Variants in TRPM4 observed in about 807,000 individuals in gnomAD.
TRPM4 encodes the protein transient receptor potential cation channel subfamily M member 4.
Under a neutral mutation model 135.6 loss-of-function variants are expected in TRPM4, and 124 were observed. The ratio of observed to expected loss-of-function variants is 0.91; its 90% CI spans 0.79 to 1.06. TRPM4 has a LOEUF of 1.06. TRPM4 is among the 50% of genes least tolerant of loss of function. TRPM4 has a pLI of 0.00. For synonymous variants in TRPM4, 745 were observed against 705.6 expected (o/e 1.06, Z -0.88); for missense variants, 1,658 against 1,671.4 (o/e 0.99, Z 0.14).
In TRPM4 at chr19:49,172,049, ATTC is replaced by A; in HGVS notation, c.1096_1098del (p.Ser366del). ...ACCCGGAAGGAGCTCCTGACAGTCTATTCTTCTGAGGATGGGTCTGAGGAATTC... is the reference window on the plus strand; with the variant it reads ...ACCCGGAAGGAGCTCCTGACAGTCTATTCTGAGGATGGGTCTGAGGAATTC... On this transcript the variant is annotated inframe_deletion, in exon 9 of 25. Transcript: ENST00000252826. The A allele has an allele frequency of 6.2e-7, 1 of 1,614,070 alleles. No individual in the cohort carries two copies. The highest frequency in any genetic ancestry group is 8.5e-7 in the Non-Finnish European group (1 of 1,179,988).
chr19:49,196,505 GC>G lies in TRPM4; in HGVS notation c.2277del (p.Cys759TrpfsTer22). On this transcript the variant is annotated frameshift_variant, in exon 17 of 25. Coordinates refer to ENST00000252826, the MANE Select transcript of TRPM4 (RefSeq NM_017636.4). LOFTEE classifies it high-confidence loss of function. Reference sequence around the variant, plus strand: ...CGCCAGTCGGGCCGTCCGGGTTGCTGCGGGGGCCGCTGCGGGGGGCGCCGGT... The same window carrying G: ...CGCCAGTCGGGCCGTCCGGGTTGCTGGGGGGCCGCTGCGGGGGGCGCCGGT... ...VPRQSGRPGC[C>X]GGRCGGRRCL... 6.5e-7 allele frequency: 1 copy of G among 1,534,624 alleles called. No homozygotes were observed. The highest frequency in any genetic ancestry group is 1.7e-4 in the Middle Eastern group (1 of 5,916).
intron 14 of TRPM4, 70 bp downstream of exon 14, chr19:49,189,161 C>T: frequency 6.2e-7 from 1 of 1,601,594 alleles, no homozygotes. Flanking sequence ...GGATGAGCCC[C>T]TGCCATTGGG....
intron 2 of TRPM4, among the ~76,000 whole-genome samples, chr19:49,164,293 CCCTT>C (rs35554637): frequency 0.19 from 19,187 of 99,150 alleles, 2,412 homozygotes; most frequent in South Asian, 0.27. Flanking sequence ...CTCCCTCCCT[CCCTT>C]CCTTCCTTCC....
At position 49,202,052 on chromosome 19, in the gene TRPM4, G is replaced by C; in HGVS notation, c.3042G>C (p.Gln1014His). Residue 1014 changes from glutamine (Q) to histidine (H), a missense_variant, in exon 20 of 25, where the codon CAG becomes CAC. Gln to His is a conservative substitution (Grantham distance 24, BLOSUM62 0). Around this residue, in one of 3 missense-constraint regions of TRPM4, gnomAD observed 1,412 missense variants for 1,408.7 expected, o/e 1.00. Coordinates refer to ENST00000252826, the MANE Select transcript of TRPM4 (RefSeq NM_017636.4). Reference sequence around the variant, plus strand: ...CCCAGGCGGGCACCTGCGTCTCCCAGTATGCCAACTGGCTGGTGGTGCTGC... The same window carrying C: ...CCCAGGCGGGCACCTGCGTCTCCCACTATGCCAACTGGCTGGTGGTGCTGC... ...PGAQAGTCVS[Q>H]YANWLVVLLL... 6.2e-7 allele frequency: 1 copy of C among 1,614,062 alleles called. No individual in the cohort carries two copies. Among genetic ancestry groups the C allele is most frequent in the East Asian group, 2.2e-5 (1 of 44,870 alleles).
At position 49,168,691 on chromosome 19, in the gene TRPM4, T is replaced by C. The variant is rs745317136; in HGVS notation, c.751T>C (p.Leu251=). The C allele has an allele frequency of 1.2e-6, 2 of 1,609,536 alleles. No individual in the cohort carries two copies. The highest frequency in any genetic ancestry group is 2.2e-5 in the East Asian group (1 of 44,738). The change falls in exon 6 of 25, where the codon TTG becomes CTG. Residue 251 remains leucine (L), a synonymous_variant. Coordinates refer to ENST00000252826, the MANE Select transcript of TRPM4 (RefSeq NM_017636.4). ...CCTGGGGGGCGAGAACCGCTTCCGC[T>C]TGCGCCTGGAGTCCTACATCTCACA... is the stretch of plus-strand genomic sequence containing the variant. ...GCLGGENRFR[L]RLESYISQQK... is the part of the protein sequence containing the mutation.
chr19:49,178,751 ATTATTT>A (rs970842457), intron 9 of TRPM4, among the ~76,000 whole-genome samples: 18 of 129,922 alleles, frequency 1.4e-4, no homozygotes, highest in African/African-American at 5.6e-4. Flanking sequence ...TATTATTATT[ATTATTT>A]TTATTTTTTT....
At chr19:49,177,320 A>G (rs1307636938) in intron 9 of TRPM4, among the ~76,000 whole-genome samples, 1 of 147,824 alleles carries the variant, frequency 6.8e-6, no homozygotes, top group Non-Finnish European at 1.5e-5. Context: ...GGGCAAGGTC[A>G]TGAATGCGTC....
rs71352733 is a variant in TRPM4, at chr19:49,167,832, C to T, written c.268-85C>T. 0.02 allele frequency: 13,218 copies of T among 666,066 alleles called. 1,377 individuals carry two copies. The highest frequency in any genetic ancestry group is 0.082 in the Middle Eastern group (223 of 2,734). The allele number at this position is 666,066 out of a possible 1,614,324, so 41.3% of individuals were successfully genotyped here. A position where few individuals can be genotyped will look rare whatever the true frequency, so the allele number is the denominator to read the frequency against. ...TCTCTGTCCCCGTCTCTCTGGGTCT[C>T]TGTCCCCGTCTCTCTGGGTCTCTGT... On this transcript the variant is annotated intron_variant, in intron 3 of 24. Coordinates refer to ENST00000252826, the MANE Select transcript of TRPM4 (RefSeq NM_017636.4).
At chr19:49,181,776 C>T (rs1967937348) in intron 10 of TRPM4, among the ~76,000 whole-genome samples, 1 of 151,986 alleles carries the variant, frequency 6.6e-6, no homozygotes, top group Admixed American at 6.6e-5. Context: ...TTGTGATCCG[C>T]CCGCCTCAGG....
rs1309573572 is a variant in TRPM4 at position 49,196,794 on chromosome 19, C to T, written c.2565C>T (p.Arg855=). The T allele has an allele frequency of 6.3e-7, 1 of 1,580,786 alleles. No homozygotes were observed. The highest frequency in any genetic ancestry group is 1.3e-5 in the African/African-American group (1 of 74,412). Residue 855 remains arginine (R), a synonymous_variant, in exon 17 of 25, where the codon CGC becomes CGT. Transcript: ENST00000252826. ...CTGGCCATGCCTCACTGAGCCAGCG[C>T]CTGCGCCTCTACCTCGCCGACAGCT... The part of the protein sequence containing the change: ...PGPGHASLSQ[R]LRLYLADSWN...
intron 6 of TRPM4, among the ~76,000 whole-genome samples, chr19:49,170,702 G>A (rs1315593167): frequency 1.3e-5 from 2 of 152,070 alleles, no homozygotes; most frequent in Non-Finnish European, 2.9e-5. Context: ...AGGGACTCAG[G>A]AGTCTAGGTC....
In TRPM4 at chr19:49,211,659, T is replaced by C; in HGVS notation, c.*161T>C. 1 of 913,986 alleles carries C rather than the reference T, an allele frequency of 1.1e-6. No individual in the cohort carries two copies. Among genetic ancestry groups the C allele is most frequent in the African/African-American group, 1.6e-5 (1 of 61,270 alleles). The allele number at this position is 913,986 out of a possible 1,614,324, so 56.6% of individuals were successfully genotyped here. On this transcript the variant is annotated 3_prime_UTR_variant, in exon 25 of 25. Coordinates refer to ENST00000252826, the MANE Select transcript of TRPM4 (RefSeq NM_017636.4). The surrounding 1 kb of genome is among the most constrained non-coding windows in gnomAD (Gnocchi z 4.8). ...GGACCACCTTTGGGAGTGTCATCCT[T>C]ACAAACCACAGCATGCCCGGCTCCT...
chr19:49,160,483 C>CAAAA (rs555159944), intron 2 of TRPM4, among the ~76,000 whole-genome samples: 13 of 67,754 alleles, frequency 1.9e-4, no homozygotes, highest in African/African-American at 3.3e-4. Context: ...GACTCCATCT[C>CAAAA]AAAAAAAAAA....
At position 49,210,497 on chromosome 19, in the gene TRPM4, G is replaced by T; in HGVS notation, c.3328+92G>T. On this transcript the variant is annotated intron_variant, in intron 21 of 24. Transcript: ENST00000252826. The surrounding 1 kb of genome is among the most constrained non-coding windows in gnomAD (Gnocchi z 4.1). The stretch of plus-strand genomic sequence containing the variant: ...GGGGGCATGCCCCAAATGACTAACG[G>T]GCGTGGCTTAGGTAGCGAGGGGCGG... The T allele has an allele frequency of 6.6e-7, 1 of 1,517,668 alleles. No individual in the cohort carries two copies. Among genetic ancestry groups the T allele is most frequent in the Non-Finnish European group, 9.0e-7 (1 of 1,112,534 alleles). The allele number at this position is 1,517,668 out of a possible 1,614,324, so 94.0% of individuals were successfully genotyped here.
In TRPM4 at chr19:49,188,698, C is replaced by T. The variant is rs773452895; in HGVS notation, c.1801C>T (p.Arg601Cys). The change falls in exon 13 of 25, where the codon CGC becomes TGC. Residue 601 changes from arginine (R) to cysteine (C), a missense_variant. Physicochemically the swap from Arg to Cys is radical, Grantham distance 180. Transcript: ENST00000252826. ...GACLLLRVMA[R>C]LEPDAEEAAR... is the part of the protein sequence containing the mutation. ...CTGTTTGCTGCTCCGGGTGATGGCACGCCTGGAGCCTGACGCTGAGGAGGC... is the reference window on the plus strand; with the variant it reads ...CTGTTTGCTGCTCCGGGTGATGGCATGCCTGGAGCCTGACGCTGAGGAGGC... The T allele has an allele frequency of 5.0e-6, 8 of 1,614,184 alleles. No homozygotes were observed. The highest frequency in any genetic ancestry group is 5.9e-6 in the Non-Finnish European group (7 of 1,180,040).
chr19:49,199,211 C>T (rs1403834102), intron 17 of TRPM4, among the ~76,000 whole-genome samples: 1 of 152,054 alleles, frequency 6.6e-6, no homozygotes, highest in East Asian at 1.9e-4. Context: ...TTTTCCTAAG[C>T]TTAATGGCCA....
chr19:49,178,686 C>T (rs8100835), intron 9 of TRPM4, among the ~76,000 whole-genome samples: 51,935 of 151,684 alleles, frequency 0.34, 9,278 homozygotes, highest in African/African-American at 0.44. Context: ...GGGCCAGGGT[C>T]GAGTGCCCAG....
chr19:49,164,363 A>AGTTTTT (rs1600395870), intron 2 of TRPM4, among the ~76,000 whole-genome samples: 1 of 10,072 alleles, frequency 9.9e-5, no homozygotes, highest in East Asian at 2.5e-3. Flanking sequence ...TTCTTTCCTT[A>AGTTTTT]GTTTTTTTTT....
chr19:49,182,178 A>T (rs1238132161), intron 10 of TRPM4, among the ~76,000 whole-genome samples: 1 of 146,056 alleles, frequency 6.8e-6, no homozygotes, highest in Non-Finnish European at 1.5e-5. Context: ...CCATCTACCT[A>T]TCCATTCATC....
Sources: allele counts gnomAD v4.1 joint callset (sites outside exome capture counted in the v4.1 genomes callset), GRCh38; gene constraint gnomAD v4.1.1; regional missense constraint gnomAD v4.1.1; non-coding constraint Gnocchi (gnomAD v3.1); transcripts MANE v1.5; gene names NCBI Gene and HGNC (gene_info 2026-07-23, HGNC 2026-07-21).